The following APAF1 variants were observed in gnomAD, a reference collection of about 807,000 sequenced individuals.
The protein encoded by APAF1 is apoptotic peptidase activating factor 1.
APAF1 carries 91 observed loss-of-function variants against 152.4 expected under a neutral mutation model. The ratio of observed to expected loss-of-function variants is 0.60; its 90% CI spans 0.50 to 0.71. The LOEUF (loss-of-function observed/expected upper bound fraction) is 0.71, where lower values mean the gene tolerates loss of function less well. APAF1 is among the 30% of genes least tolerant of loss of function. APAF1 has a pLI of 0.00. For synonymous variants in APAF1, 484 were observed against 494.1 expected, an observed-to-expected ratio of 0.98 and a Z score of 0.27; for missense variants, 1,283 against 1,472.0, an observed-to-expected ratio of 0.87 and a Z score of 2.10.
At chr12:98,647,861 G>C (rs893766506) in intron 1 of APAF1, among the ~76,000 whole-genome samples, 2 of 151,862 alleles carry the variant, frequency 1.3e-5, no homozygotes, top group African/African-American at 2.4e-5. Flanking sequence ...TGGACATTTA[G>C]GTTGCGTTCA....
chr12:98,709,579 C>T (rs73378448), intron 20 of APAF1, among the ~76,000 whole-genome samples: 4,148 of 152,128 alleles, frequency 0.027, 195 homozygotes, highest in African/African-American at 0.095. Context: ...ATAGTGGCAG[C>T]AAGAGAAAGC....
intron 4 of APAF1, among the ~76,000 whole-genome samples, chr12:98,657,716 T>G (rs141640862): frequency 6.0e-4 from 91 of 152,336 alleles, no homozygotes; most frequent in East Asian, 9.6e-4. Context: ...TGCAGAATAG[T>G]GTAGAAGTTG....
chr12:98,726,195 G>T (rs1378848565), intron 25 of APAF1, among the ~76,000 whole-genome samples: 1 of 152,006 alleles, frequency 6.6e-6, no homozygotes, highest in African/African-American at 2.4e-5. Flanking sequence ...ATATAATTTT[G>T]ACTTTTAGAA....
intron 7 of APAF1, among the ~76,000 whole-genome samples, chr12:98,663,081 A>C (rs75579867): frequency 0.017 from 2,579 of 152,316 alleles, 74 homozygotes; most frequent in African/African-American, 0.058. Flanking sequence ...TGTTAGAGTT[A>C]AAAATAGAGT....
At chr12:98,672,962 T>C (rs2097682184) in intron 12 of APAF1, among the ~76,000 whole-genome samples, 1 of 151,688 alleles carries the variant, frequency 6.6e-6, no homozygotes, top group South Asian at 2.1e-4. Flanking sequence ...TTCTCCATGT[T>C]GGTCAGGCTG....
intron 5 of APAF1, among the ~76,000 whole-genome samples, chr12:98,661,109 A>G (rs2288733): frequency 0.17 from 26,094 of 151,998 alleles, 2,557 homozygotes; most frequent in Non-Finnish European, 0.23. Context: ...CACCGTGTTA[A>G]CCAGGATGGT....
chr12:98,702,232 A>AT (rs1373581807), intron 17 of APAF1, among the ~76,000 whole-genome samples: 2 of 151,838 alleles, frequency 1.3e-5, no homozygotes, highest in African/African-American at 4.8e-5. Context: ...CGCCCGGCTA[A>AT]TTTTTTGTAT....
At chr12:98,676,749 C>T (rs981879717) in intron 12 of APAF1, among the ~76,000 whole-genome samples, 6 of 151,302 alleles carry the variant, frequency 4.0e-5, no homozygotes, top group Middle Eastern at 3.5e-3. Context: ...CAGGTTCAAG[C>T]GATTCTCCTG....
At chr12:98,646,748 A>G (rs2097641175) in intron 1 of APAF1, among the ~76,000 whole-genome samples, 1 of 152,222 alleles carries the variant, frequency 6.6e-6, no homozygotes, top group Non-Finnish European at 1.5e-5. Context: ...AAACTTGCAG[A>G]TATTGTGAAC....
At chr12:98,712,774 A>C in intron 21 of APAF1, 1 of 274,188 alleles carries the variant, frequency 3.6e-6, no homozygotes, top group Non-Finnish European at 7.0e-6. Context: ...TCAGCCTCCC[A>C]AAGTGTGGGG....
intron 21 of APAF1, among the ~76,000 whole-genome samples, chr12:98,714,780 A>G (rs1421800294): frequency 3.3e-5 from 5 of 149,928 alleles, no homozygotes; most frequent in Non-Finnish European, 3.0e-5. Flanking sequence ...AATTTGGTCA[A>G]TGAAACATAT....
At chr12:98,723,117 A>G (rs560056100) in intron 22 of APAF1, 76 bp from the exon 23 acceptor site, 115 of 1,457,254 alleles carry the variant, frequency 7.9e-5, no homozygotes, top group Admixed American at 7.1e-4. Flanking sequence ...AGACAAGAGA[A>G]TGTACACTCT....
rs2097751727 is a variant in APAF1 at position 98,727,159 on chromosome 12, T to C, written c.3457-14T>C. On this transcript the variant is annotated splice_polypyrimidine_tract_variant and intron_variant, in intron 25 of 26. Transcript: ENST00000551964. ...GATAACTCTGTTAATGAATTGTGTA[T>C]CATGTTTATGTAGATATGGAATGTC... is the stretch of plus-strand genomic sequence containing the variant. The C allele has an allele frequency of 6.2e-7, 1 of 1,613,744 alleles. No homozygotes were observed. The highest frequency in any genetic ancestry group is 1.3e-5 in the African/African-American group (1 of 75,050).
At chr12:98,652,442 A>G (rs1219545549) in intron 4 of APAF1, among the ~76,000 whole-genome samples, 1 of 151,942 alleles carries the variant, frequency 6.6e-6, no homozygotes, top group Non-Finnish European at 1.5e-5. Context: ...TTCTCTGGTA[A>G]CTCAAGTTTG....
intron 19 of APAF1, among the ~76,000 whole-genome samples, chr12:98,708,077 G>T (rs2097723764): frequency 6.6e-6 from 1 of 152,156 alleles, no homozygotes; most frequent in Non-Finnish European, 1.5e-5. Flanking sequence ...CTCCTGAGTA[G>T]CTGGGACCAC....
At chr12:98,655,284 C>T (rs1197882452) in intron 4 of APAF1, among the ~76,000 whole-genome samples, 4 of 146,940 alleles carry the variant, frequency 2.7e-5, no homozygotes, top group South Asian at 2.2e-4. Context: ...CCACCTTTCC[C>T]GCCTTTCTAT....
At chr12:98,706,459 T>C in intron 18 of APAF1, 26 bp from the exon 19 acceptor site, 5 of 1,613,700 alleles carry the variant, frequency 3.1e-6, no homozygotes, top group Non-Finnish European at 4.2e-6. Context: ...GTATGTGATT[T>C]CCTATATGCT....
chr12:98,684,343 A>T (rs891595646), intron 15 of APAF1, among the ~76,000 whole-genome samples: 2 of 151,582 alleles, frequency 1.3e-5, no homozygotes, highest in Non-Finnish European at 2.9e-5. Context: ...GCTGAATGGG[A>T]CCTACATTTC....
chr12:98,705,376 G>C (rs1249220172), intron 18 of APAF1, among the ~76,000 whole-genome samples: 1 of 152,202 alleles, frequency 6.6e-6, no homozygotes, highest in East Asian at 1.9e-4. Context: ...TTTCTTAGGA[G>C]AGATTTTCAG....
Sources: allele counts gnomAD v4.1 joint callset (sites outside exome capture counted in the v4.1 genomes callset), GRCh38; gene constraint gnomAD v4.1.1; transcripts MANE v1.5; gene names NCBI Gene and HGNC (gene_info 2026-07-23, HGNC 2026-07-21).